MACROD2: variants seen among roughly 807,000 people sequenced by gnomAD.
The protein encoded by MACROD2 is mono-ADP ribosylhydrolase 2.
MACROD2 carries 36 observed loss-of-function variants against 70.4 expected under a neutral mutation model. The ratio of observed to expected loss-of-function variants is 0.51; its 90% confidence interval spans 0.39 to 0.68. The LOEUF is 0.68. Among genes scored for constraint, MACROD2 ranks in the 30% least tolerant of loss-of-function variants. MACROD2 has a pLI of 0.00. For synonymous variants in MACROD2, 172 were observed against 178.8 expected (o/e 0.96, Z 0.30); for missense variants, 496 against 538.4 (o/e 0.92, Z 0.78).
At chr20:14,391,862 A>G (rs556134873) in intron 3 of MACROD2, among the ~76,000 whole-genome samples, 2 of 148,560 alleles carry the variant, frequency 1.3e-5, no homozygotes, top group African/African-American at 2.5e-5. Context: ...GAAGCTTACT[A>G]TTAGGTACTA....
At chr20:15,282,572 G>A (rs1279976150) in intron 6 of MACROD2, among the ~76,000 whole-genome samples, 3 of 152,190 alleles carry the variant, frequency 2.0e-5, no homozygotes, top group African/African-American at 7.2e-5. Context: ...AATGCAGCCA[G>A]TCTCTTTGCT....
At chr20:15,881,160 A>G (rs2064749727) in intron 9 of MACROD2, among the ~76,000 whole-genome samples, 1 of 152,140 alleles carries the variant, frequency 6.6e-6, no homozygotes, top group Non-Finnish European at 1.5e-5. Context: ...AAAAATAGTT[A>G]TAAAAATGAC....
intron 5 of MACROD2, among the ~76,000 whole-genome samples, chr20:15,047,564 A>G (rs2075404728): frequency 6.6e-6 from 1 of 152,182 alleles, no homozygotes; most frequent in African/African-American, 2.4e-5. Context: ...TGTAGTTTTA[A>G]TAATTTATTA....
At chr20:14,431,870 T>C (rs2083998177) in intron 3 of MACROD2, among the ~76,000 whole-genome samples, 1 of 152,136 alleles carries the variant, frequency 6.6e-6, no homozygotes, top group Non-Finnish European at 1.5e-5. Flanking sequence ...TGAAGAAAGC[T>C]CTGTTGCAAT....
At chr20:14,440,821 G>A (rs549552728) in intron 3 of MACROD2, among the ~76,000 whole-genome samples, 84 of 152,208 alleles carry the variant, frequency 5.5e-4, no homozygotes, top group Non-Finnish European at 8.1e-4. Context: ...ATGAGTAGAG[G>A]ACCACATTCA....
chr20:14,186,956 G>A (rs1345629149), intron 3 of MACROD2, among the ~76,000 whole-genome samples: 1 of 152,118 alleles, frequency 6.6e-6, no homozygotes, highest in Non-Finnish European at 1.5e-5. Context: ...CTATTTGAGG[G>A]CGGAGATGGG....
chr20:15,072,603 A>C (rs1207639269), intron 5 of MACROD2, among the ~76,000 whole-genome samples: 1 of 152,062 alleles, frequency 6.6e-6, no homozygotes, highest in African/African-American at 2.4e-5. Flanking sequence ...TTGTCCTATT[A>C]TTTCTTTCCT....
chr20:15,705,022 C>T (rs965009591), intron 8 of MACROD2, among the ~76,000 whole-genome samples: 10 of 152,154 alleles, frequency 6.6e-5, no homozygotes, highest in African/African-American at 2.4e-4. Flanking sequence ...GATTACTCTG[C>T]TGCTAATTCT....
intron 5 of MACROD2, among the ~76,000 whole-genome samples, chr20:14,785,421 GT>G (rs2072356836): frequency 6.6e-6 from 1 of 151,884 alleles, no homozygotes; most frequent in Admixed American, 6.6e-5. Context: ...CAGAAAAAAT[GT>G]TCCCATTGTG....
At chr20:16,014,879 C>T (rs2066909613) in intron 15 of MACROD2, among the ~76,000 whole-genome samples, 1 of 152,126 alleles carries the variant, frequency 6.6e-6, no homozygotes, top group Admixed American at 6.6e-5. Flanking sequence ...CTCTTATAAT[C>T]CATTAAATCA....
chr20:15,960,451 A>C (rs1398586002), intron 12 of MACROD2, among the ~76,000 whole-genome samples: 1 of 152,190 alleles, frequency 6.6e-6, no homozygotes, highest in Non-Finnish European at 1.5e-5. Flanking sequence ...ATGAAGGACT[A>C]TCTTGGTTTT....
At chr20:16,011,507 G>A (rs187530692) in intron 15 of MACROD2, among the ~76,000 whole-genome samples, 4 of 152,356 alleles carry the variant, frequency 2.6e-5, no homozygotes, top group African/African-American at 9.6e-5. Flanking sequence ...AGGAGCAGAT[G>A]CTAAGATGGG....
intron 6 of MACROD2, among the ~76,000 whole-genome samples, chr20:15,369,008 G>C (rs2045453109): frequency 6.6e-6 from 1 of 152,148 alleles, no homozygotes; most frequent in African/African-American, 2.4e-5. Context: ...TAGTATATGT[G>C]AATAGAGTAT....
At chr20:14,141,747 G>A (rs2054877272) in intron 3 of MACROD2, among the ~76,000 whole-genome samples, 31 of 66,840 alleles carry the variant, frequency 4.6e-4, no homozygotes, top group South Asian at 2.1e-3. Flanking sequence ...CTCCATCTCA[G>A]AAAAAAAAAA....
At chr20:14,589,720 T>TAGCC (rs1981634188) in intron 4 of MACROD2, among the ~76,000 whole-genome samples, 2 of 152,324 alleles carry the variant, frequency 1.3e-5, no homozygotes, top group African/African-American at 2.4e-5. Flanking sequence ...TAGACGTGGC[T>TAGCC]AGCCAGATGC....
intron 6 of MACROD2, among the ~76,000 whole-genome samples, chr20:15,279,592 G>C (rs1335139981): frequency 6.6e-6 from 1 of 152,164 alleles, no homozygotes; most frequent in Non-Finnish European, 1.5e-5. Context: ...AGTAAAATAT[G>C]AGTTCATATA....
chr20:14,103,913 T>A (rs1208593032), intron 3 of MACROD2, among the ~76,000 whole-genome samples: 1 of 152,156 alleles, frequency 6.6e-6, no homozygotes. Flanking sequence ...TTTGTAGAAA[T>A]CTTTGATTAT....
At chr20:14,360,817 A>G (rs1055163570) in intron 3 of MACROD2, among the ~76,000 whole-genome samples, 2 of 152,194 alleles carry the variant, frequency 1.3e-5, no homozygotes, top group Non-Finnish European at 2.9e-5. Flanking sequence ...ATTTAATGAT[A>G]CAGGTGTGTC....
intron 2 of MACROD2, among the ~76,000 whole-genome samples, chr20:14,045,319 C>G (rs2053457143): frequency 6.6e-6 from 1 of 152,208 alleles, no homozygotes; most frequent in South Asian, 2.1e-4. Flanking sequence ...CGAGGGCTGC[C>G]AGGGCTGCCA....
Sources: allele counts gnomAD v4.1 joint callset (sites outside exome capture counted in the v4.1 genomes callset), GRCh38; gene constraint gnomAD v4.1.1; transcripts MANE v1.5; gene names NCBI Gene and HGNC (gene_info 2026-07-23, HGNC 2026-07-21).